The following ABCC9 variants were observed in gnomAD, a reference collection of about 807,000 sequenced individuals.
The protein encoded by ABCC9 is ATP-binding cassette sub-family C member 9.
In ABCC9, 95 loss-of-function variants were observed where a neutral mutation model predicts 188.3. That is an observed-to-expected ratio of 0.50 (90% confidence interval 0.43 to 0.60). ABCC9 has a LOEUF of 0.60. ABCC9 is among the 20% of genes least tolerant of loss of function. The pLI is 0.00. For synonymous variants in ABCC9, 659 were observed against 652.7 expected (o/e 1.01, Z -0.15); for missense variants, 1,102 against 1,876.3 (o/e 0.59, Z 7.62).
At chr12:21,867,332 C>G (rs1945830281) in intron 18 of ABCC9, among the ~76,000 whole-genome samples, 1 of 152,098 alleles carries the variant, frequency 6.6e-6, no homozygotes, top group Non-Finnish European at 1.5e-5. Flanking sequence ...CTCCACCATT[C>G]AATGTGGTAC....
intron 22 of ABCC9, among the ~76,000 whole-genome samples, chr12:21,856,619 G>A (rs1442012987): frequency 2.0e-5 from 3 of 152,116 alleles, no homozygotes; most frequent in Non-Finnish European, 4.4e-5. Flanking sequence ...CAAGTGACAT[G>A]TACAAGTAAA....
chr12:21,819,115 C>T (rs905922589), intron 31 of ABCC9, among the ~76,000 whole-genome samples: 4 of 152,216 alleles, frequency 2.6e-5, no homozygotes, highest in Middle Eastern at 6.8e-3. Context: ...CATTTCCTAA[C>T]GCTTTCTTTT....
intron 18 of ABCC9, among the ~76,000 whole-genome samples, chr12:21,864,855 A>C (rs527317677): frequency 6.6e-6 from 1 of 152,254 alleles, no homozygotes; most frequent in Non-Finnish European, 1.5e-5. Flanking sequence ...CAACCTTTAA[A>C]ATTTGAATTC....
intron 14 of ABCC9, among the ~76,000 whole-genome samples, chr12:21,891,038 A>G (rs1592160302): frequency 6.6e-6 from 1 of 152,298 alleles, no homozygotes; most frequent in Non-Finnish European, 1.5e-5. Context: ...AAAAACTTCA[A>G]GGATGGCCAT....
chr12:21,903,092 C>T (rs1947852152), intron 12 of ABCC9, among the ~76,000 whole-genome samples: 1 of 152,148 alleles, frequency 6.6e-6, no homozygotes, highest in South Asian at 2.1e-4. Flanking sequence ...ATCTTATCCA[C>T]CATGATCAAG....
At chr12:21,844,653 A>G (rs1944547924) in intron 27 of ABCC9, 101 bp from the exon 28 acceptor site, 3 of 1,546,464 alleles carry the variant, frequency 1.9e-6, no homozygotes, top group Middle Eastern at 1.7e-4. Flanking sequence ...GAAGCTCCCT[A>G]TTCATTTGCT....
intron 31 of ABCC9, among the ~76,000 whole-genome samples, chr12:21,822,960 A>G (rs1039884167): frequency 1.3e-5 from 2 of 152,180 alleles, no homozygotes; most frequent in Admixed American, 6.5e-5. Context: ...AGAAAGGAGA[A>G]GCAGATGGTC....
chr12:21,925,843 A>G (rs1592250651), intron 5 of ABCC9, 99 bp downstream of exon 5: 2 of 1,298,338 alleles, frequency 1.5e-6, no homozygotes, highest in East Asian at 2.3e-5. Flanking sequence ...CTCCCCACAC[A>G]CTCTGATACT....
intron 29 of ABCC9, 150 bp from the exon 30 acceptor site, chr12:21,838,320 C>T (rs1944208015): frequency 7.2e-6 from 5 of 690,128 alleles, no homozygotes; most frequent in Non-Finnish European, 1.3e-5. Context: ...AAAACTTCAA[C>T]AGCTTACAAT....
chr12:21,915,478 A>C (rs71436861), intron 7 of ABCC9, among the ~76,000 whole-genome samples, 190 bp downstream of exon 7: 1 of 9,608 alleles, frequency 1.0e-4, no homozygotes, highest in Admixed American at 2.0e-3. Flanking sequence ...GTGTGTATAT[A>C]TGTGTGTGTG....
chr12:21,903,094 A>G (rs1947852283), intron 12 of ABCC9, among the ~76,000 whole-genome samples: 1 of 152,174 alleles, frequency 6.6e-6, no homozygotes, highest in African/African-American at 2.4e-5. Context: ...CTTATCCACC[A>G]TGATCAAGTG....
At chr12:21,859,009 C>T (rs1945369732) in intron 22 of ABCC9, among the ~76,000 whole-genome samples, 1 of 152,092 alleles carries the variant, frequency 6.6e-6, no homozygotes, top group African/African-American at 2.4e-5. Flanking sequence ...AGATCCACAG[C>T]TAGAAGTAAA....
chr12:21,813,553 A>G (rs1942401019), intron 35 of ABCC9, among the ~76,000 whole-genome samples: 1 of 152,196 alleles, frequency 6.6e-6, no homozygotes, highest in South Asian at 2.1e-4. Context: ...GTCTGAACTC[A>G]TAAGGATCAG....
At chr12:21,922,038 T>C (rs1011013374) in intron 5 of ABCC9, among the ~76,000 whole-genome samples, 2 of 152,122 alleles carry the variant, frequency 1.3e-5, no homozygotes, top group African/African-American at 4.8e-5. Flanking sequence ...AGGATAGCTT[T>C]GACTATTCTA....
At chr12:21,813,763 A>C (rs1942420460) in intron 35 of ABCC9, among the ~76,000 whole-genome samples, 1 of 152,220 alleles carries the variant, frequency 6.6e-6, no homozygotes, top group Non-Finnish European at 1.5e-5. Context: ...CCCCAAAAAA[A>C]CTATATTTAC....
chr12:21,925,287 A>G, intron 5 of ABCC9: 1 of 498,158 alleles, frequency 2.0e-6, no homozygotes. Flanking sequence ...CCCAAGGCAA[A>G]AATAAAATTA....
In ABCC9 at chr12:21,844,739, T is replaced by C. The variant is rs374446473; in HGVS notation, c.3245+28A>G. ...ATGCATATTTTTATTATTTTATGTG[T>C]GGGAGTGAGAAATAACCACTGTTTT... On this transcript the variant is annotated intron_variant, in intron 27 of 39. Transcript: ENST00000261200. 2.2e-5 allele frequency: 36 copies of C among 1,611,948 alleles called. No homozygotes were observed. In the East Asian group the frequency reaches 5.3e-4, roughly 24 times the overall value.
chr12:21,856,310 C>A (rs1945222617), intron 22 of ABCC9, among the ~76,000 whole-genome samples: 1 of 151,974 alleles, frequency 6.6e-6, no homozygotes, highest in South Asian at 2.1e-4. Flanking sequence ...ACGGCCAATT[C>A]AATGAATGGT....
chr12:21,844,717 C>A lies in ABCC9; in HGVS notation c.3245+50G>T, dbSNP rs763669841. The A allele has an allele frequency of 2.5e-6, 4 of 1,603,706 alleles. No individual in the cohort carries two copies. In the East Asian group the frequency reaches 8.9e-5, roughly 36 times the overall value. ...CACATTCCACTTAAATTGAAAAATG[C>A]ATATTTTTATTATTTTATGTGTGGG... On this transcript the variant is annotated intron_variant, in intron 27 of 39. Coordinates refer to ENST00000261200, the MANE Select transcript of ABCC9 (RefSeq NM_020297.4).
Sources: allele counts gnomAD v4.1 joint callset (sites outside exome capture counted in the v4.1 genomes callset), GRCh38; gene constraint gnomAD v4.1.1; transcripts MANE v1.5; gene names NCBI Gene and HGNC (gene_info 2026-07-23, HGNC 2026-07-21).